ARIH2: variants seen among roughly 807,000 people sequenced by gnomAD.
The protein encoded by ARIH2 is ariadne RBR E3 ubiquitin protein ligase 2.
In ARIH2, 12 loss-of-function variants were observed where a neutral mutation model predicts 79.8. The ratio of observed to expected loss-of-function variants is 0.15; its 90% CI spans 0.10 to 0.24. ARIH2 has a LOEUF of 0.24. Ranked by LOEUF, ARIH2 falls within the 10% of genes least tolerant of loss-of-function variation. The pLI is 1.00. For missense variants in ARIH2, 301 were observed against 618.3 expected (o/e 0.49, Z 5.44); for synonymous variants, 224 against 213.9 (o/e 1.05, Z -0.41).
Position 48,974,952 on chromosome 3 carries a change from T to C in ARIH2, c.940-6T>C. ...TAACGTGTTTTCTTCTGTTTCCCTC[T>C]GACAGCAATGCTCCAAATGTAAACA... On this transcript the variant is annotated splice_polypyrimidine_tract_variant and splice_region_variant and intron_variant, in intron 10 of 15. Transcript: ENST00000356401. The C allele has an allele frequency of 6.2e-7, 1 of 1,614,224 alleles. No individual in the cohort carries two copies. The highest frequency in any genetic ancestry group is 8.5e-7 in the Non-Finnish European group (1 of 1,180,032).
intron 4 of ARIH2, among the ~76,000 whole-genome samples, chr3:48,963,269 T>C (rs1020344371): frequency 2.0e-5 from 3 of 152,144 alleles, no homozygotes; most frequent in Admixed American, 6.6e-5. Context: ...TGCCCAAAAC[T>C]CTGGAACCAC....
intron 3 of ARIH2, among the ~76,000 whole-genome samples, chr3:48,952,865 A>G (rs377680858): frequency 6.6e-6 from 1 of 152,218 alleles, no homozygotes; most frequent in African/African-American, 2.4e-5. Flanking sequence ...GAATTTGGCA[A>G]CAAGGGAGTT....
intron 8 of ARIH2, chr3:48,973,496 G>A: frequency 2.4e-6 from 1 of 409,582 alleles, no homozygotes; most frequent in South Asian, 2.7e-5. Context: ...AGAATGGCAT[G>A]AACCCGGGAG....
At chr3:48,978,777 C>T (rs2092647219) in intron 11 of ARIH2, among the ~76,000 whole-genome samples, 1 of 151,562 alleles carries the variant, frequency 6.6e-6, no homozygotes, top group Non-Finnish European at 1.5e-5. Context: ...GCCTGGCCAA[C>T]ATGGTGAAAC....
chr3:48,950,861 T>C (rs892212544), intron 3 of ARIH2, among the ~76,000 whole-genome samples: 3 of 152,130 alleles, frequency 2.0e-5, no homozygotes, highest in Admixed American at 2.0e-4. Context: ...TTTTTCAATT[T>C]GCTGCTATAT....
chr3:48,956,767 C>T (rs567066132), intron 3 of ARIH2, among the ~76,000 whole-genome samples: 10 of 151,892 alleles, frequency 6.6e-5, no homozygotes, highest in Admixed American at 5.2e-4. Context: ...GGCACGATCT[C>T]GGCTCACTGC....
At chr3:48,975,449 C>T (rs2107650643) in intron 11 of ARIH2, among the ~76,000 whole-genome samples, 1 of 152,278 alleles carries the variant, frequency 6.6e-6, no homozygotes, top group East Asian at 1.9e-4. Flanking sequence ...AGCTAGAACC[C>T]ATGTATGCCA....
chr3:48,984,850 T>C lies in ARIH2; in HGVS notation c.*1580T>C, dbSNP rs1430899173. 1 of 152,244 alleles carries C rather than the reference T, an allele frequency of 6.6e-6. No individual in the cohort carries two copies. Among genetic ancestry groups the C allele is most frequent in the African/African-American group, 2.4e-5 (1 of 41,462 alleles). The allele number at this position is 152,244 out of a possible 1,614,324, so 9.4% of individuals were successfully genotyped here. On this transcript the variant is annotated 3_prime_UTR_variant, in exon 16 of 16. Transcript: ENST00000356401. ...CTTAAAGACAGAGGATAGCTGTGACTCATGGGATCATGAGGTCCATGGCTG... is the reference window on the plus strand; with the variant it reads ...CTTAAAGACAGAGGATAGCTGTGACCCATGGGATCATGAGGTCCATGGCTG...
chr3:48,919,190 T>A (rs761585264), intron 1 of ARIH2, 192 bp downstream of exon 1: 1 of 1,292,174 alleles, frequency 7.7e-7, no homozygotes, highest in Non-Finnish European at 9.8e-7. Flanking sequence ...TGTGTCTGCC[T>A]TTTTTCCTCC....
intron 2 of ARIH2, among the ~76,000 whole-genome samples, chr3:48,924,486 C>T (rs985412358): frequency 4.0e-5 from 6 of 151,658 alleles, no homozygotes; most frequent in African/African-American, 9.7e-5. Context: ...GGACTACAGA[C>T]GCATGACCGC....
chr3:48,944,989 C>G (rs2088913574), intron 3 of ARIH2: 1 of 542,402 alleles, frequency 1.8e-6, no homozygotes, highest in Non-Finnish European at 3.1e-6. Context: ...TAGTGAGTGA[C>G]CACTAGTGTT....
intron 4 of ARIH2, among the ~76,000 whole-genome samples, chr3:48,964,015 T>TTTTTTA (rs1218630243): frequency 5.3e-5 from 8 of 152,036 alleles, no homozygotes; most frequent in East Asian, 1.9e-4. Flanking sequence ...GCCAGTTATT[T>TTTTTTA]TTTTTATTTT....
Position 48,930,343 on chromosome 3 carries a change from C to T in ARIH2, c.255+2530C>T, listed in dbSNP as rs140888461. 1.9e-3 allele frequency among the ~76,000 whole-genome samples: 290 copies of T among 152,180 alleles called. 2 individuals are homozygous for T. Among genetic ancestry groups the T allele is most frequent in the African/African-American group, 6.6e-3 (272 of 41,522 alleles). On this transcript the variant is annotated intron_variant, in intron 3 of 15. Coordinates refer to ENST00000356401, the MANE Select transcript of ARIH2 (RefSeq NM_006321.4). Reference sequence around the variant, plus strand: ...ATTTTAAATACAAAAATTAGCTGAGCGTGCTAGCATGTTCCTGTAGTCCCA... The same window carrying T: ...ATTTTAAATACAAAAATTAGCTGAGTGTGCTAGCATGTTCCTGTAGTCCCA...
At chr3:48,961,704 G>C (rs1441350658) in intron 4 of ARIH2, 25 bp downstream of exon 4, 1 of 1,507,348 alleles carries the variant, frequency 6.6e-7, no homozygotes, top group Non-Finnish European at 9.2e-7. Context: ...GGAGGAGAGA[G>C]AACATTGCCC....
intron 1 of ARIH2, 89 bp downstream of exon 1, chr3:48,919,087 T>A: frequency 7.9e-7 from 1 of 1,273,470 alleles, no homozygotes; most frequent in Non-Finnish European, 9.9e-7. Context: ...GGGCCGGGAC[T>A]CCGCCTTCGC....
At chr3:48,970,845 G>A in intron 8 of ARIH2, 141 bp downstream of exon 8, 1 of 609,868 alleles carries the variant, frequency 1.6e-6, no homozygotes. Flanking sequence ...CAAGTGGGTA[G>A]GTTTATGTCC....
At chr3:48,921,490 A>C (rs1206902260) in intron 1 of ARIH2, 1 of 138,424 alleles carries the variant, frequency 7.2e-6, no homozygotes, top group Non-Finnish European at 1.5e-5. Flanking sequence ...GCTGGAGTGC[A>C]GTGGTGCAGT....
chr3:48,977,339 C>T (rs2092562906), intron 11 of ARIH2, among the ~76,000 whole-genome samples: 2 of 152,066 alleles, frequency 1.3e-5, no homozygotes, highest in African/African-American at 4.8e-5. Flanking sequence ...CACTCTGTCA[C>T]CCAGGCTGAC....
At chr3:48,926,242 C>CGTGT (rs34080246) in intron 2 of ARIH2, among the ~76,000 whole-genome samples, 1,527 of 148,144 alleles carry the variant, frequency 0.01, 27 homozygotes, top group African/African-American at 0.035. Flanking sequence ...GAGTTTCCCT[C>CGTGT]GTGTGTGTGT....
Sources: allele counts gnomAD v4.1 joint callset (sites outside exome capture counted in the v4.1 genomes callset), GRCh38; gene constraint gnomAD v4.1.1; transcripts MANE v1.5; gene names NCBI Gene and HGNC (gene_info 2026-07-23, HGNC 2026-07-21).